SAMD3: variants seen among roughly 807,000 people sequenced by gnomAD.
SAMD3 encodes the protein sterile alpha motif domain containing 3.
SAMD3 carries 63 observed loss-of-function variants against 58.5 expected under a neutral mutation model. That is an observed-to-expected ratio of 1.08 (90% CI 0.88 to 1.33). The LOEUF (loss-of-function observed/expected upper bound fraction) is 1.33, where lower values mean the gene tolerates loss of function less well. Ranked by LOEUF, SAMD3 falls within the 40% of genes most tolerant of loss-of-function variation. The probability of loss-of-function intolerance (pLI) is 0.00; values close to 1 mark genes in which losing one functional copy is unlikely to be tolerated. For synonymous variants in SAMD3, 220 were observed against 210.3 expected, an observed-to-expected ratio of 1.05 and a Z score of -0.40; for missense variants, 604 against 608.4, an observed-to-expected ratio of 0.99 and a Z score of 0.08.
intron 2 of SAMD3, among the ~76,000 whole-genome samples, chr6:130,276,026 G>A (rs1305190947): frequency 6.6e-6 from 1 of 152,098 alleles, no homozygotes; most frequent in Non-Finnish European, 1.5e-5. Flanking sequence ...TTCCTGGTGG[G>A]CTTATGTAAT....
chr6:130,329,075 C>A, intron 1 of SAMD3, among the ~76,000 whole-genome samples: 1 of 151,848 alleles, frequency 6.6e-6, no homozygotes, highest in East Asian at 1.9e-4. Context: ...TTATCTATCA[C>A]CTATCTATTA....
chr6:130,221,092 G>A (rs1465955223), intron 1 of SAMD3, among the ~76,000 whole-genome samples: 1 of 151,862 alleles, frequency 6.6e-6, no homozygotes, highest in East Asian at 1.9e-4. Flanking sequence ...CTGACCTTGT[G>A]ATCTGCCCAC....
chr6:130,151,064 C>T (rs913911992), intron 9 of SAMD3, among the ~76,000 whole-genome samples: 12 of 152,164 alleles, frequency 7.9e-5, no homozygotes, highest in Admixed American at 7.8e-4. Flanking sequence ...CCAAGGATCC[C>T]CAGGGGATCC....
At chr6:130,234,632 A>G (rs1796632890) in intron 2 of SAMD3, among the ~76,000 whole-genome samples, 1 of 152,222 alleles carries the variant, frequency 6.6e-6, no homozygotes, top group Non-Finnish European at 1.5e-5. Context: ...ACCAACGTGT[A>G]AGATGATGGT....
At chr6:130,227,604 A>G (rs1427994623), upstream of SAMD3, among the ~76,000 whole-genome samples, 1 of 152,104 alleles carries the variant, frequency 6.6e-6, no homozygotes, top group African/African-American at 2.4e-5. Context: ...TCTGGCCAAC[A>G]TGGTGAAACC....
At chr6:130,261,496 T>G (rs1462228375) in intron 2 of SAMD3, among the ~76,000 whole-genome samples, 1 of 152,226 alleles carries the variant, frequency 6.6e-6, no homozygotes, top group East Asian at 1.9e-4. Context: ...TGGTTTTGAT[T>G]TCTGGATACT....
At chr6:130,328,892 G>A (rs1776837516) in intron 1 of SAMD3, among the ~76,000 whole-genome samples, 1 of 152,218 alleles carries the variant, frequency 6.6e-6, no homozygotes, top group Admixed American at 6.5e-5. Flanking sequence ...GCAAGTAAGT[G>A]TAAGGTTTAT....
chr6:130,144,952 A>G, intron 11 of SAMD3, 148 bp from the exon 12 acceptor site: 2 of 855,810 alleles, frequency 2.3e-6, no homozygotes, highest in Non-Finnish European at 3.5e-6. Flanking sequence ...ATAGACCACC[A>G]ACTTTGCTTT....
intron 2 of SAMD3, among the ~76,000 whole-genome samples, chr6:130,262,622 A>C (rs1303338972): frequency 6.6e-6 from 1 of 152,112 alleles, no homozygotes; most frequent in Non-Finnish European, 1.5e-5. Context: ...TCATGCAAGA[A>C]ATGTTGTATA....
intron 2 of SAMD3, among the ~76,000 whole-genome samples, chr6:130,311,816 CTGTT>C (rs1442236321): frequency 6.6e-6 from 1 of 152,246 alleles, no homozygotes; most frequent in East Asian, 1.9e-4. Flanking sequence ...CACAGGGTCT[CTGTT>C]TGGGTGGATA....
At chr6:130,301,871 G>A (rs945882088) in intron 2 of SAMD3, among the ~76,000 whole-genome samples, 1 of 152,076 alleles carries the variant, frequency 6.6e-6, no homozygotes, top group Admixed American at 6.6e-5. Context: ...TTCAATAAAT[G>A]GTCTGAGAAA....
In SAMD3 at chr6:130,322,444, A is replaced by G. The variant is rs114506231; in HGVS notation, c.-303-9351T>C. Among the ~76,000 whole-genome samples, 620 of 152,308 alleles carry G rather than the reference A, an allele frequency of 4.1e-3. 5 individuals are homozygous for G. Among genetic ancestry groups the G allele is most frequent in the African/African-American group, 0.014 (576 of 41,564 alleles). ...CATCTCCACGGAGCTGTGACTACAGATAGGTCTGCATACATAGACAGTGTT... is the reference window on the plus strand; with the variant it reads ...CATCTCCACGGAGCTGTGACTACAGGTAGGTCTGCATACATAGACAGTGTT... On this transcript the variant is annotated intron_variant, in intron 1 of 13. Transcript: ENST00000368134.
intron 2 of SAMD3, among the ~76,000 whole-genome samples, chr6:130,231,893 ACT>A (rs1294462413): frequency 1.3e-5 from 2 of 151,962 alleles, no homozygotes; most frequent in South Asian, 2.1e-4. Flanking sequence ...GGACAGTAGA[ACT>A]CTCTGTTTTG....
intron 7 of SAMD3, among the ~76,000 whole-genome samples, chr6:130,178,359 C>T (rs1045008054): frequency 1.3e-5 from 2 of 151,864 alleles, no homozygotes; most frequent in Non-Finnish European, 2.9e-5. Context: ...TTGAATAGAT[C>T]CCCACAGTGA....
At chr6:130,276,266 CCT>C (rs1174702511) in intron 2 of SAMD3, among the ~76,000 whole-genome samples, 1 of 152,078 alleles carries the variant, frequency 6.6e-6, no homozygotes, top group Non-Finnish European at 1.5e-5. Context: ...GCTCAGAAAA[CCT>C]CTGATTCCAG....
intron 7 of SAMD3, chr6:130,183,109 C>A: frequency 3.2e-6 from 1 of 312,506 alleles, no homozygotes; most frequent in Non-Finnish European, 6.2e-6. Context: ...GTTCAAACAG[C>A]AAACTTTGTG....
intron 2 of SAMD3, among the ~76,000 whole-genome samples, chr6:130,277,573 T>G (rs776085819): frequency 2.6e-5 from 4 of 152,192 alleles, no homozygotes; most frequent in Non-Finnish European, 5.9e-5. Context: ...TTTTTTCTCC[T>G]GCTTGTTGCT....
intron 8 of SAMD3, 102 bp downstream of exon 8, chr6:130,175,739 T>C: frequency 1.3e-6 from 1 of 755,894 alleles, no homozygotes; most frequent in East Asian, 2.8e-5. Flanking sequence ...TTTAAAAAGG[T>C]ATCTTATTTT....
rs1263282725 is a variant in SAMD3 at position 130,154,710 on chromosome 6, AAAAAAAAAATATAT to A, written c.1023+101_1023+114del. On this transcript the variant is annotated intron_variant, in intron 9 of 11. Transcript: ENST00000439090. Reference sequence around the variant, plus strand: ...GACTCTGTCTGAAAAAAAAAAAAAAAAAAAAAAAATATATATATATATATATATATATGTATGTA... The same window carrying A: ...GACTCTGTCTGAAAAAAAAAAAAAAAATATATATATATATATATGTATGTA... The A allele has an allele frequency of 9.6e-4, 121 of 126,238 alleles. 1 individual carries two copies. The highest frequency in any genetic ancestry group is 5.2e-3 in the East Asian group (24 of 4,610). The allele number at this position is 126,238 out of a possible 1,614,324, so 7.8% of individuals were successfully genotyped here. A position where few individuals can be genotyped will look rare whatever the true frequency, so the allele number is the denominator to read the frequency against.
Sources: allele counts gnomAD v4.1 joint callset (sites outside exome capture counted in the v4.1 genomes callset), GRCh38; gene constraint gnomAD v4.1.1; transcripts MANE v1.5; gene names NCBI Gene and HGNC (gene_info 2026-07-23, HGNC 2026-07-21).